USP54: variants seen among roughly 807,000 people sequenced by gnomAD.
USP54 encodes ubiquitin carboxyl-terminal hydrolase 54.
In USP54, 87 loss-of-function variants were observed where a neutral mutation model predicts 170.5. The ratio of observed to expected loss-of-function variants is 0.51; its 90% CI spans 0.43 to 0.61. USP54 has a LOEUF of 0.61. Among genes scored for constraint, USP54 ranks in the 20% least tolerant of loss-of-function variants. The pLI, the probability that USP54 is intolerant of heterozygous loss-of-function variation, is 0.00. For missense variants in USP54, 1,786 were observed against 2,047.8 expected (o/e 0.87, Z 2.47); for synonymous variants, 655 against 742.8 (o/e 0.88, Z 1.92).
At chr10:73,580,893 T>C (rs1320087938) in intron 1 of USP54, among the ~76,000 whole-genome samples, 11 of 152,134 alleles carry the variant, frequency 7.2e-5, no homozygotes, top group Admixed American at 7.2e-4. Context: ...TTATATTTAG[T>C]ACAGTAACAT....
intron 16 of USP54, among the ~76,000 whole-genome samples, chr10:73,524,831 T>A (rs1207305656): frequency 6.6e-6 from 1 of 152,214 alleles, no homozygotes; most frequent in African/African-American, 2.4e-5. Flanking sequence ...TGGGAAATAA[T>A]GGAGCTAAAT....
intron 15 of USP54, 183 bp downstream of exon 15, chr10:73,529,497 C>T (rs919748865): frequency 9.9e-6 from 7 of 704,862 alleles, no homozygotes; most frequent in Admixed American, 4.5e-5. Flanking sequence ...AAAGTTCTCT[C>T]TCCTTTCTCA....
chr10:73,548,885 A>T (rs186005732), intron 4 of USP54, among the ~76,000 whole-genome samples: 10 of 152,344 alleles, frequency 6.6e-5, no homozygotes, highest in African/African-American at 1.9e-4. Flanking sequence ...TTATTAAAAA[A>T]GTAATTTATT....
intron 4 of USP54, among the ~76,000 whole-genome samples, chr10:73,557,148 T>C (rs2071304084): frequency 6.6e-6 from 1 of 152,012 alleles, no homozygotes; most frequent in Non-Finnish European, 1.5e-5. Context: ...AACACCAAAG[T>C]CAAGTCATAC....
intron 1 of USP54, among the ~76,000 whole-genome samples, chr10:73,623,633 A>G (rs1295005821): frequency 6.6e-6 from 1 of 152,216 alleles, no homozygotes; most frequent in African/African-American, 2.4e-5. Context: ...CCTAAGTAAC[A>G]CAGTGAGACC....
At chr10:73,590,269 C>G (rs1247310310) in intron 1 of USP54, among the ~76,000 whole-genome samples, 1 of 152,132 alleles carries the variant, frequency 6.6e-6, no homozygotes, top group Non-Finnish European at 1.5e-5. Flanking sequence ...TAGCAAGGAC[C>G]CAGCACTTAC....
chr10:73,572,033 A>T (rs2075296332), intron 3 of USP54, among the ~76,000 whole-genome samples: 1 of 152,238 alleles, frequency 6.6e-6, no homozygotes, highest in Non-Finnish European at 1.5e-5. Context: ...AAAAAATATG[A>T]TATTAACAGT....
chr10:73,568,436 C>T (rs183252737), intron 4 of USP54, among the ~76,000 whole-genome samples: 317 of 152,282 alleles, frequency 2.1e-3, no homozygotes, highest in African/African-American at 7.2e-3. Flanking sequence ...ATCCACACTT[C>T]CAAATTAGTC....
chr10:73,609,420 T>G (rs1345715501), intron 1 of USP54, among the ~76,000 whole-genome samples: 1 of 152,136 alleles, frequency 6.6e-6, no homozygotes, highest in East Asian at 1.9e-4. Flanking sequence ...CTATATAAAC[T>G]TTACCATGAG....
At chr10:73,557,287 T>C (rs1214927431) in intron 4 of USP54, among the ~76,000 whole-genome samples, 1 of 151,934 alleles carries the variant, frequency 6.6e-6, no homozygotes, top group East Asian at 1.9e-4. Flanking sequence ...ATTTGGGGCT[T>C]TTGAGGGGAC....
chr10:73,542,962 C>T lies in USP54; in HGVS notation c.489+56G>A. 3 of 1,608,576 alleles carry T rather than the reference C, an allele frequency of 1.9e-6. No homozygotes were observed. The South Asian group carries it at 3.3e-5, about 18-fold the overall frequency. On this transcript the variant is annotated intron_variant, in intron 6 of 23. Coordinates refer to ENST00000687698, the MANE Select transcript of USP54 (RefSeq NM_001391956.1). ...TTGGCACCCATTTAACACCCCACAT[C>T]CCAGGATAAAGTGTTCTGGAAGAAA...
In USP54 at chr10:73,530,505, T is replaced by C. The variant is rs1375771335; in HGVS notation, c.1466A>G (p.Lys489Arg). 1 of 1,609,224 alleles carries C rather than the reference T, an allele frequency of 6.2e-7. No homozygotes were observed. The highest frequency in any genetic ancestry group is 8.5e-7 in the Non-Finnish European group (1 of 1,178,630). ...TTTGGAGGCATTTCTAGGAGCCTGC[T>C]TCTCTTTCAGTGTTTCTCCTAAAAA... ...YHSEGETLKE[K>R]QAPRNASKPS... is the part of the protein sequence containing the mutation. Residue 489 changes from lysine to arginine, a missense_variant, in exon 14 of 24, where the codon AAG (lysine) becomes AGG (arginine). By Grantham distance (26) the Lys-to-Arg change is conservative (BLOSUM62 2). Around this residue, in one of 3 missense-constraint regions of USP54, gnomAD observed 1,418 missense variants for 1,569.0 expected, o/e 0.90. Transcript: ENST00000687698.
chr10:73,587,100 T>C (rs1024786718), intron 1 of USP54, among the ~76,000 whole-genome samples: 2 of 152,166 alleles, frequency 1.3e-5, no homozygotes, highest in Non-Finnish European at 2.9e-5. Flanking sequence ...AGCCCTTCCT[T>C]ATAAAGATCT....
In USP54 at chr10:73,500,777, A is replaced by T; in HGVS notation, c.4373T>A (p.Leu1458His). The T allele has an allele frequency of 6.2e-7, 1 of 1,601,340 alleles. No homozygotes were observed. ...TGHRCSSSSS[L>H]PVIHDPSVFL... ...CACAGAAGGGTCATGGATGACAGGG[A>T]GGGAAGAGGAGCTGGAACAACGGTG... The change falls in exon 23 of 24, where the codon CTC becomes CAC. Residue 1458 changes from leucine (L) to histidine (H), a missense_variant. Leu to His is a moderately conservative substitution (Grantham distance 99). This residue lies in a region of USP54 where 1,418 missense variants were observed against 1,569.0 expected (regional missense o/e 0.90). Coordinates refer to ENST00000687698, the MANE Select transcript of USP54 (RefSeq NM_001391956.1).
intron 4 of USP54, among the ~76,000 whole-genome samples, chr10:73,561,904 A>C (rs1377778602): frequency 1.3e-5 from 2 of 152,190 alleles, no homozygotes; most frequent in Admixed American, 1.3e-4. Context: ...AAGACTTACT[A>C]CCAGAAATAC....
chr10:73,599,923 T>TA (rs2079035275), intron 1 of USP54, among the ~76,000 whole-genome samples: 1 of 142,366 alleles, frequency 7.0e-6, no homozygotes, highest in Non-Finnish European at 1.5e-5. Context: ...TTTTTTGAGA[T>TA]AGAGTTTCGC....
intron 20 of USP54, among the ~76,000 whole-genome samples, chr10:73,511,096 C>CTTTTT (rs777196673): frequency 1.6e-4 from 20 of 121,542 alleles, no homozygotes; most frequent in African/African-American, 5.9e-4. Context: ...ATGAAAACAC[C>CTTTTT]TTTTTTTTTT....
chr10:73,539,307 A>AATAT (rs1216109438), intron 10 of USP54, 137 bp downstream of exon 10: 12 of 280,276 alleles, frequency 4.3e-5, no homozygotes, highest in South Asian at 2.9e-4. Flanking sequence ...AAAAAAAAAA[A>AATAT]ATATATATAT....
rs1397680111 is a variant in USP54 at position 73,498,814 on chromosome 10, G to A, written c.4870C>T (p.Pro1624Ser). ...CGAGGACCAGGGGTTCGGGACCCTG[G>A]AACAGGATCTGAATTCCAAGCTGAC... ...LRSAWNSDPVPGSRTPGPRRV... is the reference protein window; with the variant it reads ...LRSAWNSDPVSGSRTPGPRRV... Residue 1624 changes from proline to serine, a missense_variant, in exon 24 of 24, where the codon CCA becomes TCA. Physicochemically the swap from Pro to Ser is moderately conservative, Grantham distance 74. Transcript: ENST00000687698. 1 of 1,600,078 alleles carries A rather than the reference G, an allele frequency of 6.2e-7. No homozygotes were observed. The highest frequency in any genetic ancestry group is 8.5e-7 in the Non-Finnish European group (1 of 1,172,014).
Sources: gnomAD v4.1 joint callset for allele counts (sites outside exome capture counted in the v4.1 genomes callset) on GRCh38, gnomAD v4.1.1 for gene constraint, gnomAD v4.1.1 regional missense constraint, MANE v1.5 for transcripts, NCBI Gene and HGNC (gene_info 2026-07-23, HGNC 2026-07-21) for gene names.